Variants in PARD3B observed in about 807,000 individuals in gnomAD.
The protein encoded by PARD3B is par-3 family cell polarity regulator beta.
PARD3B carries 103 observed loss-of-function variants against 130.2 expected under a neutral mutation model. That is an observed-to-expected ratio of 0.79 (90% confidence interval 0.67 to 0.93). The LOEUF (loss-of-function observed/expected upper bound fraction) is 0.93. PARD3B is among the 40% of genes least tolerant of loss of function. The probability of loss-of-function intolerance (pLI) is 0.00; values close to 1 mark genes in which losing one functional copy is unlikely to be tolerated. For synonymous variants in PARD3B, 583 were observed against 553.2 expected, an observed-to-expected ratio of 1.05 and a Z score of -0.76; for missense variants, 1,609 against 1,499.2, an observed-to-expected ratio of 1.07 and a Z score of -1.21.
intron 21 of PARD3B, among the ~76,000 whole-genome samples, chr2:205,520,455 C>CCTGGAGG (rs2050991788): frequency 6.6e-6 from 1 of 152,128 alleles, no homozygotes; most frequent in Non-Finnish European, 1.5e-5. Flanking sequence ...TTCAGTTGCT[C>CCTGGAGG]CTGGAGGCTC....
At chr2:205,411,610 A>G (rs1016512921) in intron 19 of PARD3B, among the ~76,000 whole-genome samples, 3 of 152,150 alleles carry the variant, frequency 2.0e-5, no homozygotes, top group Non-Finnish European at 4.4e-5. Flanking sequence ...GATAACCCAT[A>G]CAGTAGCCTT....
At position 204,800,839 on chromosome 2, in the gene PARD3B, T is replaced by C. The variant is rs187385339; in HGVS notation, c.222+114557T>C. Among the ~76,000 whole-genome samples the C allele has an allele frequency of 2.1e-3, 318 of 152,296 alleles. 1 individual carries two copies. The highest frequency in any genetic ancestry group is 7.3e-3 in the African/African-American group (305 of 41,568). On this transcript the variant is annotated intron_variant, in intron 2 of 22. Transcript: ENST00000406610. ...AGGATTTCTTCTAGGATTTTTATGGTTTTAGGTCTTACATTTAAGTCTTTA... is the reference window on the plus strand; with the variant it reads ...AGGATTTCTTCTAGGATTTTTATGGCTTTAGGTCTTACATTTAAGTCTTTA...
At chr2:204,795,129 T>C (rs2042325432) in intron 2 of PARD3B, among the ~76,000 whole-genome samples, 1 of 152,220 alleles carries the variant, frequency 6.6e-6, no homozygotes, top group Non-Finnish European at 1.5e-5. Flanking sequence ...AATTGAAAAG[T>C]TTAAGCTAGA....
chr2:205,171,951 T>G (rs13428191), intron 11 of PARD3B, among the ~76,000 whole-genome samples: 25,634 of 152,150 alleles, frequency 0.17, 2,378 homozygotes, highest in Middle Eastern at 0.24. Flanking sequence ...GTAAGAGGCA[T>G]TATACAAATG....
intron 1 of PARD3B, among the ~76,000 whole-genome samples, chr2:204,600,430 C>T (rs546995231): frequency 6.6e-6 from 1 of 151,628 alleles, no homozygotes; most frequent in African/African-American, 2.4e-5. Context: ...ATTGTTCTTT[C>T]TTTAATATTC....
intron 2 of PARD3B, among the ~76,000 whole-genome samples, chr2:204,900,970 A>G (rs1483431257): frequency 6.6e-6 from 1 of 151,980 alleles, no homozygotes; most frequent in Non-Finnish European, 1.5e-5. Context: ...CTCCCAAACA[A>G]TTGGAGTCTT....
At chr2:205,438,802 A>G (rs920847261) in intron 19 of PARD3B, among the ~76,000 whole-genome samples, 1 of 152,264 alleles carries the variant, frequency 6.6e-6, no homozygotes, top group Middle Eastern at 3.4e-3. Context: ...AAATTCTTCT[A>G]ATTACTTCTG....
At chr2:205,561,594 A>G (rs1254295765) in intron 22 of PARD3B, among the ~76,000 whole-genome samples, 2 of 152,188 alleles carry the variant, frequency 1.3e-5, no homozygotes, top group Non-Finnish European at 2.9e-5. Flanking sequence ...GGCGGTTGGA[A>G]TGTTCTACCA....
In PARD3B at chr2:205,470,577, A is replaced by G. The variant is rs2048790984; in HGVS notation, c.3045-29319A>G. ...GTCCTGTCTAGATAATGAGAATTTA[A>G]GTTATAAGATTTGTAAGGATCATGG... On this transcript the variant is annotated intron_variant, in intron 20 of 22. Transcript: ENST00000406610. This position sits in a 1 kb window ranked among gnomAD's most constrained non-coding sequence, Gnocchi z 4.8. Among the ~76,000 whole-genome samples, 1 of 152,186 alleles carries G rather than the reference A, an allele frequency of 6.6e-6. No individual in the cohort carries two copies. The highest frequency in any genetic ancestry group is 1.5e-5 in the Non-Finnish European group (1 of 68,026).
intron 22 of PARD3B, among the ~76,000 whole-genome samples, chr2:205,582,409 AAAATT>A (rs2054020901): frequency 6.6e-6 from 1 of 152,204 alleles, no homozygotes; most frequent in South Asian, 2.1e-4. Context: ...AGAAAAAAAT[AAAATT>A]AAGTAATCAT....
At chr2:204,950,204 C>G (rs1352013144) in intron 2 of PARD3B, among the ~76,000 whole-genome samples, 1 of 152,150 alleles carries the variant, frequency 6.6e-6, no homozygotes, top group Admixed American at 6.5e-5. Flanking sequence ...CTGCCCCCCT[C>G]CCCATTTTGA....
chr2:205,223,179 A>G (rs987335847), intron 15 of PARD3B, among the ~76,000 whole-genome samples: 5 of 152,212 alleles, frequency 3.3e-5, no homozygotes, highest in Admixed American at 6.5e-5. Flanking sequence ...GAATCACTCT[A>G]TGTGACTTGA....
chr2:205,013,122 AAC>A lies in PARD3B; in HGVS notation c.395-34457_395-34456del, dbSNP rs536660193. Among the ~76,000 whole-genome samples the A allele has an allele frequency of 3.9e-5, 6 of 152,334 alleles. No individual in the cohort carries two copies. In the South Asian group the frequency reaches 1.2e-3, roughly 32 times the overall value. ...ATCTTTCCTCTCCCTTCTTGATTTC[AAC>A]ATGAGTTTAGAACCAAAGGAACTTT... On this transcript the variant is annotated intron_variant, in intron 3 of 22. Transcript: ENST00000406610.
chr2:204,685,779 G>GT (rs1211387510), intron 1 of PARD3B, among the ~76,000 whole-genome samples: 2 of 152,054 alleles, frequency 1.3e-5, no homozygotes, highest in African/African-American at 2.4e-5. Flanking sequence ...TGCCTTTAGG[G>GT]TTTTTTCCCT....
At chr2:205,488,997 G>A (rs950148551) in intron 20 of PARD3B, among the ~76,000 whole-genome samples, 5 of 152,148 alleles carry the variant, frequency 3.3e-5, no homozygotes, top group African/African-American at 1.2e-4. Context: ...CACAATGGAT[G>A]CACAGTTGCA....
At position 204,815,163 on chromosome 2, in the gene PARD3B, G is replaced by A. The variant is rs1043808186; in HGVS notation, c.222+128881G>A. ...CCTTAATTATTTAGGCCTGGTGTTT[G>A]GGTTATAAAAATGCTTTAAAAAACA... On this transcript the variant is annotated intron_variant, in intron 2 of 22. Transcript: ENST00000406610. 9.2e-5 allele frequency among the ~76,000 whole-genome samples: 14 copies of A among 151,848 alleles called. No individual in the cohort carries two copies. The East Asian group carries it at 2.7e-3, about 29-fold the overall frequency.
chr2:205,084,616 A>T (rs1271793682), intron 4 of PARD3B, among the ~76,000 whole-genome samples: 1 of 152,024 alleles, frequency 6.6e-6, no homozygotes, highest in East Asian at 1.9e-4. Flanking sequence ...ACATATTTCT[A>T]AATTTTTATT....
At chr2:204,636,080 A>G (rs1202085655) in intron 1 of PARD3B, among the ~76,000 whole-genome samples, 1 of 152,116 alleles carries the variant, frequency 6.6e-6, no homozygotes, top group Non-Finnish European at 1.5e-5. Flanking sequence ...TTTGGCTTAA[A>G]TATTAATTAA....
At chr2:204,647,010 C>T (rs1020754609) in intron 1 of PARD3B, among the ~76,000 whole-genome samples, 2 of 151,834 alleles carry the variant, frequency 1.3e-5, no homozygotes, top group Admixed American at 1.3e-4. Flanking sequence ...TAAGACCAAC[C>T]TGGGAAAAGA....
Sources: allele counts gnomAD v4.1 joint callset (sites outside exome capture counted in the v4.1 genomes callset), GRCh38; gene constraint gnomAD v4.1.1; non-coding constraint Gnocchi (gnomAD v3.1); transcripts MANE v1.5; gene names NCBI Gene and HGNC (gene_info 2026-07-23, HGNC 2026-07-21).